The following GRM7 variants were observed in gnomAD, a reference collection of about 807,000 sequenced individuals.
The protein encoded by GRM7 is metabotropic glutamate receptor 7.
Under a neutral mutation model 84.5 loss-of-function variants are expected in GRM7, and 35 were observed. The ratio of observed to expected loss-of-function variants is 0.41; its 90% confidence interval spans 0.32 to 0.55. The LOEUF is 0.55. Among genes scored for constraint, GRM7 ranks in the 20% least tolerant of loss-of-function variants. The probability of loss-of-function intolerance (pLI) is 0.19; values close to 1 mark genes in which losing one functional copy is unlikely to be tolerated. For missense variants in GRM7, 1,003 were observed against 1,194.6 expected, an observed-to-expected ratio of 0.84 and a Z score of 2.36; for synonymous variants, 487 against 455.1, an observed-to-expected ratio of 1.07 and a Z score of -0.89.
chr3:7,090,998 G>A (rs1019828161), intron 1 of GRM7, among the ~76,000 whole-genome samples: 2 of 152,066 alleles, frequency 1.3e-5, no homozygotes, highest in African/African-American at 4.8e-5. Context: ...TTAAAAATTT[G>A]TTTCCAAATA....
intron 1 of GRM7, among the ~76,000 whole-genome samples, chr3:7,087,081 A>G (rs1211209839): frequency 1.3e-5 from 2 of 152,208 alleles, no homozygotes; most frequent in African/African-American, 4.8e-5. Context: ...AGAAAGTGAA[A>G]AACTCTCACT....
At chr3:6,945,702 C>A (rs1180307466) in intron 1 of GRM7, among the ~76,000 whole-genome samples, 1 of 152,140 alleles carries the variant, frequency 6.6e-6, no homozygotes, top group Non-Finnish European at 1.5e-5. Flanking sequence ...GTTCCTATTT[C>A]TCCACATCCT....
intron 9 of GRM7, among the ~76,000 whole-genome samples, chr3:7,712,453 G>A (rs1559501400): frequency 6.6e-6 from 1 of 151,500 alleles, no homozygotes; most frequent in Admixed American, 6.6e-5. Context: ...TCTTACCCTT[G>A]CACTTTTTTG....
chr3:7,549,115 A>C (rs751371532), intron 7 of GRM7, among the ~76,000 whole-genome samples: 2 of 152,222 alleles, frequency 1.3e-5, no homozygotes, highest in Non-Finnish European at 2.9e-5. Flanking sequence ...GAGAGAGCTA[A>C]CTATTAGAAT....
intron 1 of GRM7, among the ~76,000 whole-genome samples, chr3:7,130,672 C>G (rs1693566107): frequency 6.6e-6 from 1 of 151,862 alleles, no homozygotes; most frequent in Admixed American, 6.6e-5. Flanking sequence ...TGATGACCTT[C>G]TCTCTCTCTC....
At chr3:7,059,974 A>G (rs1011982720) in intron 1 of GRM7, among the ~76,000 whole-genome samples, 1 of 151,838 alleles carries the variant, frequency 6.6e-6, no homozygotes, top group Non-Finnish European at 1.5e-5. Flanking sequence ...CTGCAGCACA[A>G]TTCTTAGAAT....
chr3:7,476,313 T>A (rs1559349502), intron 7 of GRM7, among the ~76,000 whole-genome samples: 1 of 152,178 alleles, frequency 6.6e-6, no homozygotes, highest in Non-Finnish European at 1.5e-5. Context: ...TTTGGGAGGC[T>A]GAAGCGGGAG....
At chr3:7,736,134 G>T (rs897332807) in intron 9 of GRM7, among the ~76,000 whole-genome samples, 3 of 152,080 alleles carry the variant, frequency 2.0e-5, no homozygotes, top group Non-Finnish European at 1.5e-5. Flanking sequence ...AGTTGATGAG[G>T]TTGAACAATT....
At chr3:7,547,919 A>T (rs1282484943) in intron 7 of GRM7, among the ~76,000 whole-genome samples, 4 of 152,214 alleles carry the variant, frequency 2.6e-5, no homozygotes, top group African/African-American at 9.6e-5. Context: ...TTTCCAGAAG[A>T]ACTTGTTTGG....
chr3:7,464,827 C>CAA (rs71307749), intron 7 of GRM7, among the ~76,000 whole-genome samples: 26,413 of 85,304 alleles, frequency 0.31, 3,213 homozygotes, highest in Admixed American at 0.41. Flanking sequence ...GACTCTGTCT[C>CAA]AAAAAAAAAA....
At chr3:7,606,185 C>G (rs1348134171) in intron 8 of GRM7, among the ~76,000 whole-genome samples, 1 of 152,158 alleles carries the variant, frequency 6.6e-6, no homozygotes, top group Non-Finnish European at 1.5e-5. Flanking sequence ...CTGAGCAACT[C>G]TTCTAATTTG....
chr3:7,495,211 C>T (rs1380156442), intron 7 of GRM7, among the ~76,000 whole-genome samples: 2 of 152,112 alleles, frequency 1.3e-5, no homozygotes, highest in African/African-American at 4.8e-5. Context: ...AGTTGCTGCT[C>T]AGGCTCCCAT....
chr3:7,634,852 G>A (rs1698017041), intron 8 of GRM7, among the ~76,000 whole-genome samples: 1 of 151,964 alleles, frequency 6.6e-6, no homozygotes, highest in South Asian at 2.1e-4. Context: ...TCAAGGCTAT[G>A]GTACTTTGGC....
chr3:7,429,833 A>C (rs1696757258), intron 5 of GRM7, among the ~76,000 whole-genome samples: 2 of 152,338 alleles, frequency 1.3e-5, no homozygotes, highest in South Asian at 4.1e-4. Flanking sequence ...GCAATGCCTA[A>C]TTTTTCCTTG....
chr3:7,462,528 A>C (rs1468155366), intron 7 of GRM7, among the ~76,000 whole-genome samples: 1 of 152,252 alleles, frequency 6.6e-6, no homozygotes, highest in Non-Finnish European at 1.5e-5. Flanking sequence ...TCCTTTGTAA[A>C]GCAACAAATT....
intron 1 of GRM7, among the ~76,000 whole-genome samples, chr3:7,072,974 T>C (rs1697941062): frequency 6.6e-6 from 1 of 152,186 alleles, no homozygotes; most frequent in African/African-American, 2.4e-5. Flanking sequence ...GTGGACAATC[T>C]GTAAGGATTT....
intron 1 of GRM7, among the ~76,000 whole-genome samples, chr3:7,139,460 A>C (rs540416858): frequency 3.5e-4 from 53 of 152,066 alleles, no homozygotes; most frequent in Non-Finnish European, 6.8e-4. Context: ...TCTAAAAAGT[A>C]CTGATTTAAA....
chr3:6,890,700 T>A (rs1460276293), intron 1 of GRM7, among the ~76,000 whole-genome samples: 1 of 152,174 alleles, frequency 6.6e-6, no homozygotes, highest in Non-Finnish European at 1.5e-5. Context: ...GAAAAAAATG[T>A]ATATTCTGTT....
intron 8 of GRM7, among the ~76,000 whole-genome samples, chr3:7,597,412 A>G (rs1290593653): frequency 6.6e-6 from 1 of 152,170 alleles, no homozygotes; most frequent in Non-Finnish European, 1.5e-5. Context: ...ACAAATATCC[A>G]AACTATAGCA....
Sources: gnomAD v4.1 joint callset for allele counts (sites outside exome capture counted in the v4.1 genomes callset) on GRCh38, gnomAD v4.1.1 for gene constraint, MANE v1.5 for transcripts, NCBI Gene and HGNC (gene_info 2026-07-23, HGNC 2026-07-21) for gene names.